NEMF: variants seen among roughly 807,000 people sequenced by gnomAD.
NEMF encodes nuclear export mediator factor, also known as ribosome quality control complex subunit NEMF.
A neutral mutation model predicts 162.2 loss-of-function variants in NEMF; 89 were observed. The observed-to-expected ratio is 0.55, with a 90% CI of 0.46 to 0.65. The LOEUF is 0.65. NEMF is among the 30% of genes least tolerant of loss of function. The pLI is 0.00. For synonymous variants in NEMF, 421 were observed against 404.5 expected, an observed-to-expected ratio of 1.04 and a Z score of -0.49; for missense variants, 1,133 against 1,261.9, an observed-to-expected ratio of 0.90 and a Z score of 1.55.
In NEMF at chr14:49,838,057, T is replaced by A. The variant is rs983883509; in HGVS notation, c.574+82A>T. The stretch of plus-strand genomic sequence containing the variant: ...AGGATCACTTGTTCAAATTTTCTAA[T>A]AAAACCATAAAAGATTTCAATATAT... On this transcript the variant is annotated intron_variant, in intron 6 of 32. Coordinates refer to ENST00000298310, the MANE Select transcript of NEMF (RefSeq NM_004713.6). The A allele has an allele frequency of 2.7e-6, 3 of 1,118,700 alleles. No individual in the cohort carries two copies. The African/African-American group carries it at 4.6e-5, about 17-fold the overall frequency. 69.3% of individuals were successfully genotyped at this position (1,118,700 alleles called of 1,614,324 possible). A position where few individuals can be genotyped will look rare whatever the true frequency, so the allele number is the denominator to read the frequency against.
At chr14:49,844,507 T>C (rs2140019654) in intron 4 of NEMF, among the ~76,000 whole-genome samples, 1 of 152,180 alleles carries the variant, frequency 6.6e-6, no homozygotes, top group South Asian at 2.1e-4. Context: ...GCACTTACCA[T>C]GAATGGAGCA....
chr14:49,813,662 G>GGGGTGTGT (rs892212697), intron 18 of NEMF, among the ~76,000 whole-genome samples: 49 of 148,668 alleles, frequency 3.3e-4, no homozygotes, highest in African/African-American at 1.2e-3. Flanking sequence ...TTTTTTATTA[G>GGGGTGTGT]GTGTGTGTGT....
chr14:49,844,735 GCGCACACACACACA>G (rs1893399037), intron 4 of NEMF: 16 of 158,340 alleles, frequency 1.0e-4, no homozygotes, highest in South Asian at 2.5e-4. Flanking sequence ...GCGCACGCGC[GCGCACACACACACA>G]CACACACACA....
chr14:49,838,771 A>T (rs538785228), intron 5 of NEMF, among the ~76,000 whole-genome samples: 172 of 151,968 alleles, frequency 1.1e-3, no homozygotes, highest in Non-Finnish European at 1.8e-3. Context: ...TTTTTAGTAG[A>T]GACGGGGTTT....
intron 16 of NEMF, among the ~76,000 whole-genome samples, chr14:49,817,268 C>T (rs924381467): frequency 6.6e-6 from 1 of 151,926 alleles, no homozygotes; most frequent in Non-Finnish European, 1.5e-5. Context: ...CATGATGAAA[C>T]CTCATCTCTA....
At chr14:49,840,565 G>A (rs755766680) in intron 5 of NEMF, among the ~76,000 whole-genome samples, 153 bp downstream of exon 5, 1 of 151,836 alleles carries the variant, frequency 6.6e-6, no homozygotes, top group Admixed American at 6.6e-5. Flanking sequence ...ATTGAGTTAC[G>A]TTATCTAAGT....
intron 3 of NEMF, among the ~76,000 whole-genome samples, chr14:49,847,075 G>A (rs1045384833): frequency 9.2e-5 from 14 of 151,930 alleles, no homozygotes; most frequent in African/African-American, 2.4e-4. Flanking sequence ...TAGTAGAGAC[G>A]GGGTTTCACC....
intron 3 of NEMF, among the ~76,000 whole-genome samples, chr14:49,848,953 C>G (rs1566715678): frequency 6.9e-6 from 1 of 144,242 alleles, no homozygotes; most frequent in South Asian, 2.2e-4. Context: ...AAAAAAACAA[C>G]AATAAACACA....
intron 26 of NEMF, among the ~76,000 whole-genome samples, chr14:49,794,257 T>C (rs1369255433): frequency 6.6e-6 from 1 of 152,174 alleles, no homozygotes; most frequent in South Asian, 2.1e-4. Flanking sequence ...CCAAAATAAA[T>C]TTACAATTAT....
At chr14:49,788,784 C>A (rs771771410) in intron 28 of NEMF, among the ~76,000 whole-genome samples, 1 of 152,072 alleles carries the variant, frequency 6.6e-6, no homozygotes, top group Non-Finnish European at 1.5e-5. Flanking sequence ...GTCTCAATCT[C>A]CTGACCTTGT....
Position 49,829,133 on chromosome 14 carries a change from C to T in NEMF, c.1153G>A (p.Ala385Thr). The T allele has an allele frequency of 6.2e-7, 1 of 1,614,122 alleles. No homozygotes were observed. Among genetic ancestry groups the T allele is most frequent in the Non-Finnish European group, 8.5e-7 (1 of 1,179,988 alleles). Reference sequence around the variant, plus strand: ...GCAACAGGGTCTCCTTGAGCCTGGGCTTCTTTCACAATTAACCCAATTTCT... The same window carrying T: ...GCAACAGGGTCTCCTTGAGCCTGGGTTTCTTTCACAATTAACCCAATTTCT... ...WTEIGLIVKE[A>T]QAQGDPVASA... The change falls in exon 13 of 33, where the codon GCC (alanine) becomes ACC (threonine). Residue 385 changes from alanine to threonine, a missense_variant. Physicochemically the swap from Ala to Thr is moderately conservative, Grantham distance 58 (BLOSUM62 0). Transcript: ENST00000298310.
intron 3 of NEMF, 108 bp from the exon 4 acceptor site, chr14:49,846,373 C>T (rs755817865): frequency 4.2e-5 from 43 of 1,017,574 alleles, no homozygotes; most frequent in South Asian, 5.8e-5. Flanking sequence ...ATATTTAAAA[C>T]GTTGTGAATA....
At chr14:49,806,248 ATATATATATTTTTTT>A (rs1218975505) in intron 18 of NEMF, 115 bp from the exon 19 acceptor site, 15 of 15,636 alleles carry the variant, frequency 9.6e-4, no homozygotes, top group East Asian at 2.7e-3. Flanking sequence ...ATATATATAT[ATATATATATTTTTTT>A]TTTTTTTTTT....
intron 10 of NEMF, 133 bp downstream of exon 10, chr14:49,831,918 C>T (rs752705996): frequency 4.9e-6 from 3 of 613,516 alleles, no homozygotes; most frequent in African/African-American, 3.8e-5. Flanking sequence ...TCTGTGACGA[C>T]ACTGATCTTT....
intron 15 of NEMF, 129 bp downstream of exon 15, chr14:49,828,162 T>C (rs1462200417): frequency 2.7e-6 from 2 of 739,142 alleles, no homozygotes; most frequent in East Asian, 5.4e-5. Context: ...AATACATATA[T>C]TTAAAGCAAA....
At chr14:49,796,032 C>T (rs575177918) in intron 25 of NEMF, 88 bp from the exon 26 acceptor site, 31 of 918,846 alleles carry the variant, frequency 3.4e-5, no homozygotes, top group Non-Finnish European at 5.0e-5. Context: ...GGCACATATA[C>T]AGTATATAAA....
Position 49,833,482 on chromosome 14 carries a change from G to C in NEMF, c.676C>G (p.Leu226Val), listed in dbSNP as rs764702053. The change falls in exon 8 of 33, where the codon CTT becomes GTT. Residue 226 changes from leucine to valine, a missense_variant. Physicochemically the swap from Leu to Val is conservative, Grantham distance 32 (BLOSUM62 1). This residue lies in a region of NEMF where 582 missense variants were observed against 631.5 expected (regional missense o/e 0.92). Transcript: ENST00000298310. ...KLETKDIEKV[L>V]VSLQKAEDYM... ...TCTTCTGCTTTCTGCAGAGAAACAAGTACTTTTTCAATATCTAATGGTGGG... is the reference window on the plus strand; with the variant it reads ...TCTTCTGCTTTCTGCAGAGAAACAACTACTTTTTCAATATCTAATGGTGGG... The C allele has an allele frequency of 6.3e-7, 1 of 1,578,750 alleles. No individual in the cohort carries two copies. The highest frequency in any genetic ancestry group is 8.6e-7 in the Non-Finnish European group (1 of 1,157,070).
At chr14:49,798,687 C>T (rs766789861) in intron 25 of NEMF, among the ~76,000 whole-genome samples, 1 of 152,120 alleles carries the variant, frequency 6.6e-6, no homozygotes, top group Non-Finnish European at 1.5e-5. Context: ...AGCGGGTGAT[C>T]ACGAGGTCAG....
rs1251750295 is a variant in NEMF at position 49,791,753 on chromosome 14, AAAAAAAT to A, written c.2620-2187_2620-2181del. Among the ~76,000 whole-genome samples, 14 of 76,344 alleles carry A rather than the reference AAAAAAAT, an allele frequency of 1.8e-4. No homozygotes were observed. In the East Asian group the frequency reaches 6.2e-3, roughly 34 times the overall value. 50.1% of individuals were successfully genotyped at this position (76,344 alleles called of 152,430 possible). ...CTCCATTTAAAAAAAAAAAAAAAAAAAAAAAATTCACTGAGCCAAAGATTTGTGCATT... is the reference window on the plus strand; with the variant it reads ...CTCCATTTAAAAAAAAAAAAAAAAAATCACTGAGCCAAAGATTTGTGCATT... On this transcript the variant is annotated intron_variant, in intron 26 of 32. Coordinates refer to ENST00000298310, the MANE Select transcript of NEMF (RefSeq NM_004713.6).
Sources: gnomAD v4.1 joint callset for allele counts (sites outside exome capture counted in the v4.1 genomes callset) on GRCh38, gnomAD v4.1.1 for gene constraint, gnomAD v4.1.1 regional missense constraint, MANE v1.5 for transcripts, NCBI Gene and HGNC (gene_info 2026-07-23, HGNC 2026-07-21) for gene names.